Variants in PRR5 observed in about 807,000 individuals in gnomAD.
PRR5 encodes proline-rich protein 5.
A neutral mutation model predicts 30.6 loss-of-function variants in PRR5; 25 were observed. The ratio of observed to expected loss-of-function variants is 0.82; its 90% CI spans 0.60 to 1.14. The LOEUF (loss-of-function observed/expected upper bound fraction) is 1.14, where lower values mean the gene tolerates loss of function less well. Ranked by LOEUF, PRR5 falls within the 50% of genes most tolerant of loss-of-function variation. The pLI, the probability that PRR5 is intolerant of heterozygous loss-of-function variation, is 0.00. For synonymous variants in PRR5, 286 were observed against 247.1 expected, an observed-to-expected ratio of 1.16 and a Z score of -1.48; for missense variants, 600 against 547.1, an observed-to-expected ratio of 1.10 and a Z score of -0.96.
At chr22:44,683,607 T>C (rs1924482780) in intron 1 of PRR5, among the ~76,000 whole-genome samples, 1 of 126,306 alleles carries the variant, frequency 7.9e-6, no homozygotes, top group African/African-American at 2.9e-5. Flanking sequence ...CAGGAGACTG[T>C]GTCCACCCTC....
chr22:44,691,173 C>T lies in PRR5; in HGVS notation c.-10-11319C>T, dbSNP rs1475957250. Among the ~76,000 whole-genome samples, 1 of 152,010 alleles carries T rather than the reference C, an allele frequency of 6.6e-6. No individual in the cohort carries two copies. The highest frequency in any genetic ancestry group is 1.9e-4 in the East Asian group (1 of 5,176). On this transcript the variant is annotated intron_variant, in intron 1 of 8. Coordinates refer to the PRR5 transcript ENST00000006251. The surrounding 1 kb of genome is among the most constrained non-coding windows in gnomAD (Gnocchi z 4.4). Reference sequence around the variant, plus strand: ...GAAAGAGGGCAGAGGAACGGTGAGCCCAGGCTTCAGGTAGGAAGATCTGGG... The same window carrying T: ...GAAAGAGGGCAGAGGAACGGTGAGCTCAGGCTTCAGGTAGGAAGATCTGGG...
chr22:44,695,881 G>C (rs1451626186), intron 1 of PRR5, among the ~76,000 whole-genome samples: 1 of 140,040 alleles, frequency 7.1e-6, no homozygotes, highest in African/African-American at 2.6e-5. Flanking sequence ...CAGCCTGTCA[G>C]GGTTTTTTTA....
At chr22:44,692,757 G>C (rs1925395129) in intron 1 of PRR5, among the ~76,000 whole-genome samples, 1 of 152,226 alleles carries the variant, frequency 6.6e-6, no homozygotes, top group African/African-American at 2.4e-5. Flanking sequence ...GTCCCGCTCT[G>C]CCGCCTGCCC....
chr22:44,675,436 C>T, upstream of PRR5, among the ~76,000 whole-genome samples: 1 of 152,146 alleles, frequency 6.6e-6, no homozygotes. Flanking sequence ...AGCATCTTCC[C>T]TGTCCCTAAG....
chr22:44,732,535 A>C (rs1428084848), intron 6 of PRR5, 144 bp downstream of exon 6: 17 of 1,314,212 alleles, frequency 1.3e-5, no homozygotes, highest in African/African-American at 4.4e-5. Flanking sequence ...TGTCAGGGCC[A>C]GGGACCGGGG....
At chr22:44,670,980 T>A (rs1287678301) in intron 1 of PRR5, among the ~76,000 whole-genome samples, 1 of 152,184 alleles carries the variant, frequency 6.6e-6, no homozygotes, top group Admixed American at 6.5e-5. Flanking sequence ...GGGGAGTCAT[T>A]CATTCATTCA....
chr22:44,725,532 G>A (rs559576320), intron 3 of PRR5, among the ~76,000 whole-genome samples: 3 of 152,314 alleles, frequency 2.0e-5, no homozygotes, highest in African/African-American at 4.8e-5. Context: ...GTGCAATGGC[G>A]TGATCCCAGC....
rs76625827 is a variant in PRR5 at position 44,715,529 on chromosome 22, G to A, written c.215+858G>A. On this transcript the variant is annotated intron_variant, in intron 2 of 7. Coordinates refer to ENST00000336985, the MANE Select transcript of PRR5 (RefSeq NM_181333.4). ...GCCCAATACATGCCGCTTGTTCAGG[G>A]TGTCCTGCTTTTCTCTGGCTTATCT... Among the ~76,000 whole-genome samples the A allele has an allele frequency of 3.3e-3, 498 of 152,238 alleles. 2 individuals are homozygous for A. Among genetic ancestry groups the A allele is most frequent in the Non-Finnish European group, 4.6e-3 (316 of 68,012 alleles).
chr22:44,676,390 C>CAAAAAAAAA (rs59016907), upstream of PRR5, among the ~76,000 whole-genome samples: 10 of 37,032 alleles, frequency 2.7e-4, no homozygotes, highest in African/African-American at 3.3e-4. Flanking sequence ...GACCCTGTCT[C>CAAAAAAAAA]AAAAAAAAAA....
At chr22:44,699,915 G>GT (rs1926102325), upstream of PRR5, among the ~76,000 whole-genome samples, 2 of 107,358 alleles carry the variant, frequency 1.9e-5, no homozygotes, top group East Asian at 2.8e-4. Context: ...ATTTTTATAT[G>GT]TTTTTTGTTG....
upstream of PRR5, among the ~76,000 whole-genome samples, chr22:44,699,739 G>A (rs577062958): frequency 5.3e-5 from 8 of 152,272 alleles, no homozygotes; most frequent in South Asian, 2.1e-4. Flanking sequence ...GAGTGAAGGC[G>A]GTCAGAGACA....
chr22:44,672,632 G>A (rs1432991066), upstream of PRR5, among the ~76,000 whole-genome samples: 1 of 152,160 alleles, frequency 6.6e-6, no homozygotes, highest in Non-Finnish European at 1.5e-5. Context: ...ACATGTATTT[G>A]TCTCGGCACA....
intron 1 of PRR5, among the ~76,000 whole-genome samples, chr22:44,683,823 C>A (rs562117181): frequency 1.9e-4 from 29 of 152,336 alleles, no homozygotes; most frequent in African/African-American, 6.3e-4. Context: ...AGCCTACTCG[C>A]GAGCCACCCG....
intron 4 of PRR5, among the ~76,000 whole-genome samples, chr22:44,728,931 G>C (rs1346824797): frequency 6.6e-6 from 1 of 152,186 alleles, no homozygotes; most frequent in African/African-American, 2.4e-5. Flanking sequence ...GTGGAGGGCT[G>C]CCTCCCTAGG....
intron 1 of PRR5, among the ~76,000 whole-genome samples, chr22:44,692,599 G>A (rs1017549262): frequency 6.6e-6 from 1 of 152,096 alleles, no homozygotes; most frequent in Non-Finnish European, 1.5e-5. Flanking sequence ...CCTCCTCCCA[G>A]GGCAGTGTCA....
Position 44,725,335 on chromosome 22 carries a change from G to A in PRR5, c.264+43G>A, listed in dbSNP as rs1165158757. 9 of 1,609,734 alleles carry A rather than the reference G, an allele frequency of 5.6e-6. No homozygotes were observed. In the Admixed American group the frequency reaches 1.0e-4, roughly 18 times the overall value. ...CAGCCAGGCTGGGCCTGCCTCATGA[G>A]CCAGCCAGAAAGCACAGGGGCTCAC... On this transcript the variant is annotated intron_variant, in intron 3 of 7. Transcript: ENST00000336985.
chr22:44,689,023 T>C (rs955035097), intron 1 of PRR5, among the ~76,000 whole-genome samples: 1 of 152,170 alleles, frequency 6.6e-6, no homozygotes, highest in African/African-American at 2.4e-5. Flanking sequence ...TGTAATATTA[T>C]CATGCTGGCC....
intron 4 of PRR5, chr22:44,730,816 C>G: frequency 4.4e-6 from 2 of 457,996 alleles, no homozygotes; most frequent in South Asian, 4.7e-5. Flanking sequence ...CCTGGGTCCT[C>G]TGGGCCACTG....
intron 1 of PRR5, among the ~76,000 whole-genome samples, chr22:44,705,095 G>A (rs768523988): frequency 1.3e-5 from 2 of 152,160 alleles, no homozygotes; most frequent in Non-Finnish European, 2.9e-5. Context: ...GCTTCCCAGA[G>A]CTGCTGTAAC....
Sources: allele counts gnomAD v4.1 joint callset (sites outside exome capture counted in the v4.1 genomes callset), GRCh38; gene constraint gnomAD v4.1.1; non-coding constraint Gnocchi (gnomAD v3.1); transcripts MANE v1.5; gene names NCBI Gene and HGNC (gene_info 2026-07-23, HGNC 2026-07-21).